The following CDH11 variants were observed in gnomAD, a reference collection of about 807,000 sequenced individuals.
CDH11 encodes cadherin-11.
In CDH11, 11 loss-of-function variants were observed where a neutral mutation model predicts 67.8. The observed-to-expected ratio is 0.16, with a 90% CI of 0.10 to 0.27. The LOEUF is 0.27. Ranked by LOEUF, CDH11 falls within the 10% of genes least tolerant of loss-of-function variation. The pLI, the probability that CDH11 is intolerant of heterozygous loss-of-function variation, is 1.00. For missense variants in CDH11, 847 were observed against 1,031.2 expected, an observed-to-expected ratio of 0.82 and a Z score of 2.45; for synonymous variants, 419 against 400.0, an observed-to-expected ratio of 1.05 and a Z score of -0.57.
At chr16:64,977,895 C>T (rs1300309612) in intron 8 of CDH11, among the ~76,000 whole-genome samples, 1 of 152,342 alleles carries the variant, frequency 6.6e-6, no homozygotes, top group South Asian at 2.1e-4. Context: ...TTAATTATCT[C>T]TCTTTTCCTC....
intron 11 of CDH11, among the ~76,000 whole-genome samples, chr16:64,970,107 T>G (rs1430883449): frequency 1.3e-5 from 2 of 152,222 alleles, no homozygotes; most frequent in Non-Finnish European, 2.9e-5. Flanking sequence ...AAACACGTTT[T>G]TCTACATATA....
At chr16:65,096,331 T>C (rs2074889752) in intron 1 of CDH11, among the ~76,000 whole-genome samples, 1 of 152,062 alleles carries the variant, frequency 6.6e-6, no homozygotes, top group Non-Finnish European at 1.5e-5. Flanking sequence ...GCCTAAGGTA[T>C]TTTGTTAAAA....
chr16:65,121,906 C>T lies in CDH11; in HGVS notation c.-324G>A, dbSNP rs1361165768. Reference sequence around the variant, plus strand: ...TGGGGCCCTTGAGGGTGGACGCAACCTCCGAGCCGCCAGTCCCTGGCGCAG... The same window carrying T: ...TGGGGCCCTTGAGGGTGGACGCAACTTCCGAGCCGCCAGTCCCTGGCGCAG... On this transcript the variant is annotated 5_prime_UTR_variant, in exon 1 of 13. Coordinates refer to ENST00000268603, the MANE Select transcript of CDH11 (RefSeq NM_001797.4). The surrounding 1 kb of genome is among the most constrained non-coding windows in gnomAD (Gnocchi z 4.1). 7 of 701,986 alleles carry T rather than the reference C, an allele frequency of 1.0e-5. No individual in the cohort carries two copies. Among genetic ancestry groups the T allele is most frequent in the Middle Eastern group, 2.3e-4 (1 of 4,362 alleles). The allele number at this position is 701,986 out of a possible 1,614,324, so 43.5% of individuals were successfully genotyped here. A position where few individuals can be genotyped will look rare whatever the true frequency, so the allele number is the denominator to read the frequency against.
chr16:64,973,169 CA>C, intron 8 of CDH11, 129 bp from the exon 9 acceptor site: 1 of 951,440 alleles, frequency 1.1e-6, no homozygotes, highest in Non-Finnish European at 1.6e-6. Context: ...TCTTTCTAAT[CA>C]AATTTACTTT....
chr16:65,067,811 G>A (rs1024320008), intron 1 of CDH11, among the ~76,000 whole-genome samples: 6 of 140,536 alleles, frequency 4.3e-5, no homozygotes, highest in African/African-American at 1.6e-4. Context: ...AAAGAAGGAA[G>A]GATGAAGGGA....
At chr16:65,048,823 A>G (rs2074006963) in intron 2 of CDH11, among the ~76,000 whole-genome samples, 1 of 152,130 alleles carries the variant, frequency 6.6e-6, no homozygotes, top group Admixed American at 6.5e-5. Flanking sequence ...TTATGGCTGT[A>G]TGGTATATCA....
At position 64,956,227 on chromosome 16, in the gene CDH11, T is replaced by A. The variant is rs761483172; in HGVS notation, c.1643-5209A>T. Among the ~76,000 whole-genome samples the A allele has an allele frequency of 3.2e-4, 48 of 152,236 alleles. 1 individual carries two copies. Among genetic ancestry groups the A allele is most frequent in the Non-Finnish European group, 5.9e-5 (4 of 68,040 alleles). On this transcript the variant is annotated intron_variant, in intron 11 of 12. Transcript: ENST00000268603. ...ATTATCTAGGTGTCTTGATTTTCCATATTGTCATCTGTGAAACTAATAATT... is the reference window on the plus strand; with the variant it reads ...ATTATCTAGGTGTCTTGATTTTCCAAATTGTCATCTGTGAAACTAATAATT...
chr16:65,077,965 C>A (rs1017883098), intron 1 of CDH11, among the ~76,000 whole-genome samples: 1 of 152,196 alleles, frequency 6.6e-6, no homozygotes, highest in African/African-American at 2.4e-5. Flanking sequence ...AGTGGAAATA[C>A]AGAGACGGGT....
At chr16:65,041,847 T>C (rs752217840) in intron 2 of CDH11, among the ~76,000 whole-genome samples, 7 of 152,202 alleles carry the variant, frequency 4.6e-5, no homozygotes, top group African/African-American at 1.7e-4. Context: ...CCCATGCTAA[T>C]GCACGGGCAG....
rs1302727670 is a variant in CDH11, at chr16:65,081,525, G to C, written c.-297-27597C>G. 1.2e-4 allele frequency among the ~76,000 whole-genome samples: 18 copies of C among 151,232 alleles called. 1 individual carries two copies. Among genetic ancestry groups the C allele is most frequent in the Admixed American group, 1.1e-3 (17 of 15,176 alleles). On this transcript the variant is annotated intron_variant, in intron 1 of 12. Coordinates refer to ENST00000268603, the MANE Select transcript of CDH11 (RefSeq NM_001797.4). ...CGGAGCTTGCAGTGAGCCGAGATCG[G>C]GCCACTGCACTCCAGCCTGGGTGAC... is the stretch of plus-strand genomic sequence containing the variant.
chr16:64,960,077 C>A (rs530374392), intron 11 of CDH11, among the ~76,000 whole-genome samples: 79 of 152,306 alleles, frequency 5.2e-4, no homozygotes, highest in African/African-American at 1.8e-3. Flanking sequence ...TTGGATATTA[C>A]ATTTGCAAAA....
At chr16:65,004,339 T>A (rs977235018) in intron 3 of CDH11, among the ~76,000 whole-genome samples, 1 of 152,194 alleles carries the variant, frequency 6.6e-6, no homozygotes, top group Non-Finnish European at 1.5e-5. Flanking sequence ...CACTACTGCA[T>A]GCCAGTCTGG....
At chr16:64,955,664 G>A (rs2071488358) in intron 11 of CDH11, among the ~76,000 whole-genome samples, 1 of 152,126 alleles carries the variant, frequency 6.6e-6, no homozygotes. Context: ...AGGATTGCTT[G>A]AGCCCAGGAG....
chr16:64,984,144 T>TGAA (rs2072425037), intron 7 of CDH11, among the ~76,000 whole-genome samples: 2 of 152,188 alleles, frequency 1.3e-5, no homozygotes, highest in South Asian at 4.1e-4. Context: ...CATTGCCTTG[T>TGAA]GAAGTCCTCC....
intron 2 of CDH11, among the ~76,000 whole-genome samples, chr16:65,044,069 A>G (rs2073912660): frequency 6.6e-6 from 1 of 152,176 alleles, no homozygotes; most frequent in African/African-American, 2.4e-5. Flanking sequence ...CCCTTTTGAA[A>G]ATGGATGAGC....
intron 1 of CDH11, among the ~76,000 whole-genome samples, chr16:65,082,096 C>T (rs1411571562): frequency 6.6e-6 from 1 of 152,116 alleles, no homozygotes; most frequent in East Asian, 1.9e-4. Context: ...GATTCCCAAA[C>T]CCTGGAGTAA....
chr16:65,031,954 T>C (rs2073651725), intron 2 of CDH11, among the ~76,000 whole-genome samples: 1 of 152,108 alleles, frequency 6.6e-6, no homozygotes, highest in Admixed American at 6.5e-5. Context: ...TGTCAAGCCC[T>C]TAGGACATGG....
intron 7 of CDH11, chr16:64,985,437 G>C (rs1040677159): frequency 2.6e-5 from 4 of 151,934 alleles, no homozygotes; most frequent in Non-Finnish European, 5.9e-5. Flanking sequence ...CAAGATTGAA[G>C]GTATTGCAGT....
rs1255798352 is a variant in CDH11 at position 65,088,786 on chromosome 16, C to T, written c.-298+33094G>A. The stretch of plus-strand genomic sequence containing the variant: ...CCTAAGGCTAGATATCACAAATTAA[C>T]CAAGTAAGACAAAGGGCCTGATACA... On this transcript the variant is annotated intron_variant, in intron 1 of 12. Transcript: ENST00000268603. Among the ~76,000 whole-genome samples the T allele has an allele frequency of 2.0e-5, 3 of 152,116 alleles. No homozygotes were observed. The East Asian group carries it at 5.8e-4, about 29-fold the overall frequency.
Sources: gnomAD v4.1 joint callset for allele counts (sites outside exome capture counted in the v4.1 genomes callset) on GRCh38, gnomAD v4.1.1 for gene constraint, Gnocchi (gnomAD v3.1) non-coding constraint, MANE v1.5 for transcripts, NCBI Gene and HGNC (gene_info 2026-07-23, HGNC 2026-07-21) for gene names.